SH3TC2: variants seen among roughly 807,000 people sequenced by gnomAD.
SH3TC2 encodes SH3 domain and tetratricopeptide repeat-containing protein 2.
In SH3TC2, 87 loss-of-function variants were observed where a neutral mutation model predicts 124.5. The ratio of observed to expected loss-of-function variants is 0.70; its 90% CI spans 0.59 to 0.84. SH3TC2 has a LOEUF of 0.84. SH3TC2 is among the 40% of genes least tolerant of loss of function. SH3TC2 has a pLI of 0.00. For synonymous variants in SH3TC2, 634 were observed against 628.5 expected (o/e 1.01, Z -0.13); for missense variants, 1,536 against 1,566.4 (o/e 0.98, Z 0.33).
In SH3TC2 at chr5:148,986,594, G is replaced by A. The variant is rs1561749056; in HGVS notation, c.*18117C>T. Among the ~76,000 whole-genome samples the A allele has an allele frequency of 6.6e-6, 1 of 152,190 alleles. No individual in the cohort carries two copies. Among genetic ancestry groups the A allele is most frequent in the Non-Finnish European group, 1.5e-5 (1 of 68,028 alleles). On this transcript the variant is annotated 3_prime_UTR_variant, in exon 17 of 17. Transcript: ENST00000515425. ...AGTAAGTTCTTAATAAATGCTTGTT[G>A]AATTATCATTTTAAAAGTGAACTTC...
chr5:149,019,936 G>T (rs959186908), intron 12 of SH3TC2, among the ~76,000 whole-genome samples: 4 of 152,178 alleles, frequency 2.6e-5, no homozygotes, highest in South Asian at 2.1e-4. Context: ...GATCTGTTTG[G>T]AAGTTCCCTG....
intron 1 of SH3TC2, among the ~76,000 whole-genome samples, 197 bp from the exon 2 acceptor site, chr5:149,052,437 A>C (rs146158971): frequency 2.6e-3 from 398 of 152,348 alleles, no homozygotes; most frequent in Non-Finnish European, 4.6e-3. Flanking sequence ...ATCTCAATCC[A>C]GCAGCAGCCT....
intron 8 of SH3TC2, among the ~76,000 whole-genome samples, chr5:149,036,953 CT>C (rs1446940991): frequency 1.3e-5 from 2 of 152,154 alleles, no homozygotes; most frequent in Non-Finnish European, 2.9e-5. Context: ...CAGATTCCCC[CT>C]GATGATGCAT....
rs1254753317 is a variant in SH3TC2 at position 149,042,768 on chromosome 5, T to A, written c.455A>T (p.Glu152Val). 1 of 1,614,152 alleles carries A rather than the reference T, an allele frequency of 6.2e-7. No homozygotes were observed. Among genetic ancestry groups the A allele is most frequent in the Non-Finnish European group, 8.5e-7 (1 of 1,180,000 alleles). Residue 152 changes from glutamate to valine, a missense_variant, in exon 5 of 17, where the codon GAG becomes GTG. Around this residue, in one of 3 missense-constraint regions of SH3TC2, gnomAD observed 1,102 missense variants for 1,098.6 expected, o/e 1.00. Coordinates refer to ENST00000515425, the MANE Select transcript of SH3TC2 (RefSeq NM_024577.4). ...TACAGACACTTGGATCTCTGTATCC[T>A]CCACCAATATGCAGTTGAGCCAGTA... ...HKYWLNCILV[E>V]DTEIQVSVDD...
chr5:149,048,437 C>G (rs969475207), intron 2 of SH3TC2, among the ~76,000 whole-genome samples: 2 of 152,208 alleles, frequency 1.3e-5, no homozygotes, highest in African/African-American at 4.8e-5. Context: ...GTGCATTACA[C>G]ATTAACACAT....
rs922929697 is a variant in SH3TC2, at chr5:148,987,760, C to T, written c.*16951G>A. On this transcript the variant is annotated 3_prime_UTR_variant, in exon 17 of 17. Transcript: ENST00000515425. The stretch of plus-strand genomic sequence containing the variant: ...GGTCACTCTCCCACCACTTAACAAG[C>T]ATGGGAAGCTCACCAAGTCATGTCC... Among the ~76,000 whole-genome samples the T allele has an allele frequency of 2.6e-5, 4 of 151,560 alleles. No individual in the cohort carries two copies. In the South Asian group the frequency reaches 6.3e-4, roughly 24 times the overall value.
Position 148,995,924 on chromosome 5 carries a change from C to T in SH3TC2, c.*8787G>A, listed in dbSNP as rs1400358825. On this transcript the variant is annotated 3_prime_UTR_variant, in exon 17 of 17. Coordinates refer to ENST00000515425, the MANE Select transcript of SH3TC2 (RefSeq NM_024577.4). ...AATGAGCACAAGCAAAAGGGAGATGCTAAGGACATGAGGAAAAAGAAAAAA... is the reference window on the plus strand; with the variant it reads ...AATGAGCACAAGCAAAAGGGAGATGTTAAGGACATGAGGAAAAAGAAAAAA... 2.0e-5 allele frequency among the ~76,000 whole-genome samples: 3 copies of T among 151,916 alleles called. No individual in the cohort carries two copies. In the East Asian group the frequency reaches 5.8e-4, roughly 29 times the overall value.
In SH3TC2 at chr5:149,004,816, C is replaced by A; in HGVS notation, c.3762G>T (p.Arg1254Ser). Residue 1254 changes from arginine to serine, a missense_variant, in exon 17 of 17, where the codon AGG (arginine) becomes AGT (serine). Transcript: ENST00000515425. Reference sequence around the variant, plus strand: ...TCTGGCAGATGTTGTCCAGCCTGCTCCTAATGGTGTCCTGAAGCTCCTCAT... The same window carrying A: ...TCTGGCAGATGTTGTCCAGCCTGCTACTAATGGTGTCCTGAAGCTCCTCAT... Reference protein sequence around the residue: ...LGDEELQDTIRSRLDNICQSP... With the variant: ...LGDEELQDTISSRLDNICQSP... The A allele has an allele frequency of 6.2e-7, 1 of 1,614,156 alleles. No individual in the cohort carries two copies. The highest frequency in any genetic ancestry group is 8.5e-7 in the Non-Finnish European group (1 of 1,180,034).
In SH3TC2 at chr5:148,999,998, C is replaced by T. The variant is rs191742061; in HGVS notation, c.*4713G>A. Among the ~76,000 whole-genome samples the T allele has an allele frequency of 6.9e-4, 105 of 152,284 alleles. No individual in the cohort carries two copies. Among genetic ancestry groups the T allele is most frequent in the African/African-American group, 2.5e-3 (103 of 41,562 alleles). On this transcript the variant is annotated 3_prime_UTR_variant, in exon 17 of 17. Transcript: ENST00000515425. ...TGTCTGTCAATACCAACCTGCTGGT[C>T]TGCAGTTAGAATTAAGTAAGTGTCC...
Position 149,012,677 on chromosome 5 carries a change from C to T in SH3TC2, c.3111G>A (p.Leu1037=). 6.2e-7 allele frequency: 1 copy of T among 1,614,206 alleles called. No homozygotes were observed. The highest frequency in any genetic ancestry group is 8.5e-7 in the Non-Finnish European group (1 of 1,180,032). ...IKESLRIFID[L]GETDKAAEAW... ...CCTCAGCAGCCTTGTCTGTCTCCCCCAGGTCAATGAAGATACGCAGGCTCT... is the reference window on the plus strand; with the variant it reads ...CCTCAGCAGCCTTGTCTGTCTCCCCTAGGTCAATGAAGATACGCAGGCTCT... Residue 1037 remains leucine, a synonymous_variant, in exon 13 of 17, where the codon CTG becomes CTA. Transcript: ENST00000515425.
intron 3 of SH3TC2, chr5:149,046,137 A>G (rs182774956): frequency 2.3e-5 from 4 of 175,688 alleles, no homozygotes; most frequent in African/African-American, 9.6e-5. Flanking sequence ...AACTTAGAGG[A>G]AGAAGAAGAT....
At chr5:149,062,211 A>G in intron 1 of SH3TC2, 1 of 416,034 alleles carries the variant, frequency 2.4e-6, no homozygotes, top group Non-Finnish European at 4.8e-6. Flanking sequence ...CCCCCCACCA[A>G]TCTAACCCCA....
chr5:149,060,321 GAA>G (rs1156581228), intron 1 of SH3TC2, among the ~76,000 whole-genome samples: 4 of 152,204 alleles, frequency 2.6e-5, no homozygotes, highest in Non-Finnish European at 4.4e-5. Context: ...ATAGGGTGGG[GAA>G]GTCAGAGATG....
chr5:149,027,706 A>G lies in SH3TC2; in HGVS notation c.2026T>C (p.Leu676=), dbSNP rs761267111. ...TATTTCTTGTCATACAGAAAACTCA[A>G]AACACTGGCCACAGCCTCAGAGGCA... ...PPASEAVASV[L]SFLYDKKYLP... Residue 676 remains leucine (L), a synonymous_variant, in exon 11 of 17, where the codon TTG becomes CTG. Coordinates refer to ENST00000515425, the MANE Select transcript of SH3TC2 (RefSeq NM_024577.4). 6.2e-7 allele frequency: 1 copy of G among 1,614,078 alleles called. No individual in the cohort carries two copies. Among genetic ancestry groups the G allele is most frequent in the South Asian group, 1.1e-5 (1 of 91,082 alleles).
In SH3TC2 at chr5:149,028,320, A is replaced by C. The variant is rs750456665; in HGVS notation, c.1412T>G (p.Leu471Trp). 1 of 1,614,074 alleles carries C rather than the reference A, an allele frequency of 6.2e-7. No homozygotes were observed. Among genetic ancestry groups the C allele is most frequent in the South Asian group, 1.1e-5 (1 of 91,078 alleles). The change falls in exon 11 of 17, where the codon TTG becomes TGG. Residue 471 changes from leucine (L) to tryptophan (W), a missense_variant. Leu to Trp is a moderately conservative substitution (Grantham distance 61, BLOSUM62 -2). This residue lies in a region of SH3TC2 where 1,102 missense variants were observed against 1,098.6 expected (regional missense o/e 1.00). Transcript: ENST00000515425. The stretch of plus-strand genomic sequence containing the variant: ...ATAACCCTCATGATCCAGAAAAGCC[A>C]ATATGGGGGCGAAGTTCTCAGCCTC... ...EEEAENFAPI[L>W]AFLDHEGYAD...
In SH3TC2 at chr5:149,001,482, T is replaced by G. The variant is rs1004149377; in HGVS notation, c.*3229A>C. 4 of 152,182 alleles carry G rather than the reference T, an allele frequency of 2.6e-5. No homozygotes were observed. The highest frequency in any genetic ancestry group is 7.2e-5 in the African/African-American group (3 of 41,440). 9.4% of individuals were successfully genotyped at this position (152,182 alleles called of 1,614,324 possible). On this transcript the variant is annotated 3_prime_UTR_variant, in exon 17 of 17. Coordinates refer to ENST00000515425, the MANE Select transcript of SH3TC2 (RefSeq NM_024577.4). ...TTTGGCTATGATACACTTATTTTTT[T>G]AAATGTTTAAGTAGAGACCAAATCC...
At chr5:149,026,366 C>A (rs1754062539) in intron 12 of SH3TC2, 1 of 615,600 alleles carries the variant, frequency 1.6e-6, no homozygotes, top group Non-Finnish European at 2.9e-6. Flanking sequence ...GATGAGGAAA[C>A]TGAGACATGG....
chr5:148,983,367 C>T lies in SH3TC2; in HGVS notation c.*21344G>A, dbSNP rs761056762. On this transcript the variant is annotated 3_prime_UTR_variant, in exon 17 of 17. Transcript: ENST00000515425. ...GCCTAAGATATGGTAATGGAGGGAACAGACCAGGTTCTGAGTGGATGAAAA... is the reference window on the plus strand; with the variant it reads ...GCCTAAGATATGGTAATGGAGGGAATAGACCAGGTTCTGAGTGGATGAAAA... Among the ~76,000 whole-genome samples, 2 of 152,112 alleles carry T rather than the reference C, an allele frequency of 1.3e-5. No homozygotes were observed. The highest frequency in any genetic ancestry group is 2.4e-5 in the African/African-American group (1 of 41,404).
intron 12 of SH3TC2, among the ~76,000 whole-genome samples, chr5:149,016,070 T>C (rs1753868254): frequency 6.6e-6 from 1 of 152,234 alleles, no homozygotes; most frequent in Non-Finnish European, 1.5e-5. Context: ...AAAGTAACAA[T>C]GGTAGTATTA....
Sources: gnomAD v4.1 joint callset for allele counts (sites outside exome capture counted in the v4.1 genomes callset) on GRCh38, gnomAD v4.1.1 for gene constraint, gnomAD v4.1.1 regional missense constraint, MANE v1.5 for transcripts, NCBI Gene and HGNC (gene_info 2026-07-23, HGNC 2026-07-21) for gene names.